FNBP1L: variants seen among roughly 807,000 people sequenced by gnomAD.
FNBP1L encodes the protein formin binding protein 1 like, also known as formin-binding protein 1-like.
In FNBP1L, 36 loss-of-function variants were observed where a neutral mutation model predicts 91.2. The observed-to-expected ratio is 0.39, with a 90% CI of 0.30 to 0.52. The LOEUF (loss-of-function observed/expected upper bound fraction) is 0.52. Among genes scored for constraint, FNBP1L ranks in the 20% least tolerant of loss-of-function variants. FNBP1L has a pLI of 0.66. For missense variants in FNBP1L, 571 were observed against 732.1 expected (o/e 0.78, Z 2.54); for synonymous variants, 242 against 237.0 (o/e 1.02, Z -0.19).
At chr1:93,546,732 G>T in intron 12 of FNBP1L, 110 bp from the exon 13 acceptor site, 2 of 1,141,254 alleles carry the variant, frequency 1.8e-6, no homozygotes, top group African/African-American at 1.6e-5. Context: ...AAAAAGATGT[G>T]ACTCTACTTA....
rs1430120241 is a variant in FNBP1L, at chr1:93,522,132, C to T, written c.191C>T (p.Pro64Leu). The change falls in exon 3 of 17, where the codon CCA becomes CTA. Residue 64 changes from proline (P) to leucine (L), a missense_variant. By Grantham distance (98) the Pro-to-Leu change is moderately conservative. Around this residue, in one of 5 missense-constraint regions of FNBP1L, gnomAD observed 220 missense variants for 313.6 expected, o/e 0.70. Coordinates refer to ENST00000271234, the MANE Select transcript of FNBP1L (RefSeq NM_001164473.3). Reference protein sequence around the residue: ...CPKRSSKDEEPRFTSCVAFFN... With the variant: ...CPKRSSKDEELRFTSCVAFFN... ...AAACGTTCATCCAAAGATGAAGAGCCACGGTAAATTACATACCTGTTCATT... is the reference window on the plus strand; with the variant it reads ...AAACGTTCATCCAAAGATGAAGAGCTACGGTAAATTACATACCTGTTCATT... 1.2e-5 allele frequency: 18 copies of T among 1,500,754 alleles called. No individual in the cohort carries two copies. Among genetic ancestry groups the T allele is most frequent in the Non-Finnish European group, 1.5e-5 (17 of 1,122,190 alleles). 93.0% of individuals were successfully genotyped at this position (1,500,754 alleles called of 1,614,324 possible).
intron 2 of FNBP1L, among the ~76,000 whole-genome samples, chr1:93,509,172 C>T (rs541026000): frequency 6.6e-6 from 1 of 152,150 alleles, no homozygotes; most frequent in Non-Finnish European, 1.5e-5. Flanking sequence ...TGATAAATTC[C>T]AAATCCCAGG....
chr1:93,507,899 T>A (rs564320677), intron 2 of FNBP1L, among the ~76,000 whole-genome samples: 1 of 151,516 alleles, frequency 6.6e-6, no homozygotes, highest in Non-Finnish European at 1.5e-5. Flanking sequence ...TCCACCTGCC[T>A]CGGCCTCCCA....
intron 1 of FNBP1L, among the ~76,000 whole-genome samples, chr1:93,459,783 A>G (rs1219605197): frequency 6.6e-6 from 1 of 152,216 alleles, no homozygotes; most frequent in Non-Finnish European, 1.5e-5. Context: ...TTTCTTTGCA[A>G]CATTATTCAC....
At chr1:93,500,909 A>G (rs1425123759) in intron 2 of FNBP1L, among the ~76,000 whole-genome samples, 1 of 152,172 alleles carries the variant, frequency 6.6e-6, no homozygotes, top group African/African-American at 2.4e-5. Context: ...TATTTTCCAC[A>G]TGAGAGTATA....
chr1:93,551,880 T>C, intron 16 of FNBP1L: 1 of 985,472 alleles, frequency 1.0e-6, no homozygotes, highest in Non-Finnish European at 1.2e-6. Flanking sequence ...AAAATATCTT[T>C]TGGGAAATAC....
intron 1 of FNBP1L, chr1:93,488,516 A>G (rs769554906): frequency 2.0e-5 from 3 of 152,194 alleles, no homozygotes; most frequent in Non-Finnish European, 2.9e-5. Flanking sequence ...GCATTGGGTC[A>G]TGCCAGGTTT....
intron 2 of FNBP1L, among the ~76,000 whole-genome samples, chr1:93,516,200 A>G (rs1302782059): frequency 6.6e-6 from 1 of 152,146 alleles, no homozygotes; most frequent in Non-Finnish European, 1.5e-5. Flanking sequence ...GGGAAAAAAA[A>G]AAGTTTTCTC....
At chr1:93,519,998 CA>C (rs1256837973) in intron 2 of FNBP1L, among the ~76,000 whole-genome samples, 1 of 152,142 alleles carries the variant, frequency 6.6e-6, no homozygotes, top group African/African-American at 2.4e-5. Context: ...GGTAGGAACT[CA>C]ATACATGTTG....
At chr1:93,531,209 G>A (rs1047390555) in intron 7 of FNBP1L, among the ~76,000 whole-genome samples, 2 of 152,220 alleles carry the variant, frequency 1.3e-5, no homozygotes, top group Non-Finnish European at 2.9e-5. Flanking sequence ...GAATTGAGAT[G>A]TAGCATTTTT....
At chr1:93,551,499 G>C (rs1306929889) in intron 16 of FNBP1L, 74 of 987,094 alleles carry the variant, frequency 7.5e-5, no homozygotes, top group Non-Finnish European at 8.5e-5. Context: ...AATTTGAATA[G>C]TGAAACTGCT....
At position 93,550,940 on chromosome 1, in the gene FNBP1L, C is replaced by T. The variant is rs750239469; in HGVS notation, c.1652-7C>T. 6.4e-6 allele frequency: 10 copies of T among 1,567,548 alleles called. No homozygotes were observed. In the South Asian group the frequency reaches 7.1e-5, roughly 11 times the overall value. On this transcript the variant is annotated splice_polypyrimidine_tract_variant and splice_region_variant and intron_variant, in intron 15 of 16. Coordinates refer to ENST00000271234, the MANE Select transcript of FNBP1L (RefSeq NM_001164473.3). ...CTTAAATTATGCTTGTGAAAACTCTCATCTAGGACATAATGAAGGTACTCT... is the reference window on the plus strand; with the variant it reads ...CTTAAATTATGCTTGTGAAAACTCTTATCTAGGACATAATGAAGGTACTCT...
chr1:93,525,572 A>G (rs904264306), intron 5 of FNBP1L, among the ~76,000 whole-genome samples: 5 of 152,144 alleles, frequency 3.3e-5, no homozygotes, highest in African/African-American at 1.2e-4. Flanking sequence ...CATTTGCACA[A>G]AATAACATAC....
At chr1:93,515,095 G>T (rs1183750012) in intron 2 of FNBP1L, among the ~76,000 whole-genome samples, 3 of 152,210 alleles carry the variant, frequency 2.0e-5, no homozygotes, top group Non-Finnish European at 4.4e-5. Flanking sequence ...CCATCAAAAA[G>T]TGGGTGAAGG....
intron 2 of FNBP1L, among the ~76,000 whole-genome samples, chr1:93,518,492 A>T (rs1671207281): frequency 6.6e-6 from 1 of 152,232 alleles, no homozygotes; most frequent in Non-Finnish European, 1.5e-5. Context: ...TAGGGATTGA[A>T]CATGTTAAGG....
chr1:93,500,717 G>A (rs76311417), intron 2 of FNBP1L, among the ~76,000 whole-genome samples: 10,272 of 151,488 alleles, frequency 0.068, 471 homozygotes, highest in Non-Finnish European at 0.1. Flanking sequence ...AGTTACTTGA[G>A]TGCCTCATAT....
intron 1 of FNBP1L, among the ~76,000 whole-genome samples, chr1:93,492,778 C>G (rs1229317287): frequency 6.6e-6 from 1 of 151,724 alleles, no homozygotes; most frequent in Non-Finnish European, 1.5e-5. Flanking sequence ...GAGCCAGATC[C>G]CATCTCTTAA....
intron 1 of FNBP1L, among the ~76,000 whole-genome samples, chr1:93,496,371 C>T (rs143266849): frequency 2.4e-4 from 36 of 151,868 alleles, no homozygotes; most frequent in East Asian, 3.9e-4. Context: ...CTCCCACCTC[C>T]GCCTTTCACC....
chr1:93,498,678 T>C (rs1346427414), intron 1 of FNBP1L, among the ~76,000 whole-genome samples: 2 of 152,218 alleles, frequency 1.3e-5, no homozygotes, highest in Non-Finnish European at 2.9e-5. Flanking sequence ...AATTTGGAGC[T>C]TGTTCTTAAA....
Sources: allele counts gnomAD v4.1 joint callset (sites outside exome capture counted in the v4.1 genomes callset), GRCh38; gene constraint gnomAD v4.1.1; regional missense constraint gnomAD v4.1.1; transcripts MANE v1.5; gene names NCBI Gene and HGNC (gene_info 2026-07-23, HGNC 2026-07-21).